The following NEB variants were observed in gnomAD, a reference collection of about 807,000 sequenced individuals.
The protein encoded by NEB is nebulin.
A neutral mutation model predicts 952.2 loss-of-function variants in NEB; 512 were observed. The ratio of observed to expected loss-of-function variants is 0.54; its 90% CI spans 0.50 to 0.58. The LOEUF is 0.58. Among genes scored for constraint, NEB ranks in the 20% least tolerant of loss-of-function variants. The pLI is 0.00. For missense variants in NEB, 8,428 were observed against 9,231.1 expected (o/e 0.91, Z 3.56); for synonymous variants, 2,900 against 3,149.8 (o/e 0.92, Z 2.66).
chr2:151,639,981 T>C lies in NEB; in HGVS notation c.8765A>G (p.Lys2922Arg), dbSNP rs1470363070. 2 of 1,613,978 alleles carry C rather than the reference T, an allele frequency of 1.2e-6. No homozygotes were observed. The highest frequency in any genetic ancestry group is 1.7e-6 in the Non-Finnish European group (2 of 1,179,862). Residue 2922 changes from lysine (K) to arginine (R), a missense_variant, in exon 62 of 182, where the codon AAA (lysine) becomes AGA (arginine). By Grantham distance (26) the Lys-to-Arg change is conservative (BLOSUM62 2). Coordinates refer to ENST00000397345, the MANE Select transcript of NEB (RefSeq NM_001164508.2). Reference protein sequence around the residue: ...SIGSLDVEKCKRATEILSDKI... With the variant: ...SIGSLDVEKCRRATEILSDKI... ...ATCACTCAAAATTTCAGTTGCCCTT[T>C]TGCATTTTTCCACATCCAAAGAGCC... is the stretch of plus-strand genomic sequence containing the variant.
In NEB at chr2:151,692,107, C is replaced by T; in HGVS notation, c.2058G>A (p.Glu686=). 1 of 1,613,952 alleles carries T rather than the reference C, an allele frequency of 6.2e-7. No homozygotes were observed. ...DVLGHYVGSM[E]DPYHTHCMKV... is the part of the protein sequence containing the mutation. ...TCATGCAGTGTGTGTGATATGGGTC[C>T]TCCATGCTGCCTACATAATGTCCCA... is the stretch of plus-strand genomic sequence containing the variant. The change falls in exon 22 of 182, where the codon GAG becomes GAA. Residue 686 remains glutamate (E), a synonymous_variant. Transcript: ENST00000397345.
intron 129 of NEB, among the ~76,000 whole-genome samples, chr2:151,550,854 C>T (rs1024871064): frequency 1.3e-5 from 2 of 151,696 alleles, no homozygotes; most frequent in Non-Finnish European, 1.5e-5. Flanking sequence ...CCATGTTGCT[C>T]AGGCTGGTCT....
At chr2:151,614,719 C>T in intron 76 of NEB, 132 bp from the exon 77 acceptor site, 1 of 1,139,956 alleles carries the variant, frequency 8.8e-7, no homozygotes, top group Non-Finnish European at 1.2e-6. Flanking sequence ...TATCATCAAC[C>T]CTATTTTTAA....
chr2:151,650,402 A>G, intron 53 of NEB, 23 bp from the exon 54 acceptor site: 18 of 1,606,014 alleles, frequency 1.1e-5, no homozygotes, highest in Non-Finnish European at 1.4e-5. Context: ...AGAGCAAGCC[A>G]TCAAAATCCC....
chr2:151,544,101 T>G (rs73005996), intron 135 of NEB, among the ~76,000 whole-genome samples: 8,268 of 152,254 alleles, frequency 0.054, 723 homozygotes, highest in African/African-American at 0.19. Context: ...ATCAGCATTT[T>G]ATCAAGCCTG....
At chr2:151,630,921 C>A in intron 66 of NEB, 102 bp from the exon 67 acceptor site, 1 of 1,214,004 alleles carries the variant, frequency 8.2e-7, no homozygotes, top group Non-Finnish European at 1.1e-6. Context: ...AAAAATAAGC[C>A]AGACTTGAAT....
Position 151,688,365 on chromosome 2 carries a change from T to G in NEB, c.2342A>C (p.Lys781Thr), listed in dbSNP as rs1252165600. 2 of 1,613,886 alleles carry G rather than the reference T, an allele frequency of 1.2e-6. No homozygotes were observed. The highest frequency in any genetic ancestry group is 1.7e-6 in the Non-Finnish European group (2 of 1,179,808). Residue 781 changes from lysine to threonine, a missense_variant, in exon 25 of 182, where the codon AAG becomes ACG. Transcript: ENST00000397345. ...LNYKAKHEGE[K>T]FKCHIPADAP... The stretch of plus-strand genomic sequence containing the variant: ...ATCTGCTGGTATATGGCACTTGAAC[T>G]TCTCACCTTCATGTTTTGCTTTGTA...
intron 44 of NEB, 31 bp from the exon 45 acceptor site, chr2:151,663,890 A>G (rs747307404): frequency 1.3e-6 from 2 of 1,587,386 alleles, no homozygotes; most frequent in African/African-American, 1.3e-5. Flanking sequence ...ATGGTGATGA[A>G]AATGGTAAAA....
chr2:151,539,461 C>T (rs1404179832), intron 138 of NEB, among the ~76,000 whole-genome samples: 1 of 152,090 alleles, frequency 6.6e-6, no homozygotes, highest in Non-Finnish European at 1.5e-5. Flanking sequence ...CTGCCTCGGG[C>T]TTACTGCAAT....
rs571497125 is a variant in NEB at position 151,724,278 on chromosome 2, G to A, written c.594C>T (p.Asn198=). The stretch of plus-strand genomic sequence containing the variant: ...CCCTTACCTTGCTGAACATGGCGGT[G>A]TTCTTAACGGCCTGGACAAGTTCAG... The part of the protein sequence containing the change: ...DAPELVQAVK[N]TAMFSKKLYT... The change falls in exon 8 of 182, where the codon AAC becomes AAT. Residue 198 remains asparagine (N), a synonymous_variant. Coordinates refer to ENST00000397345, the MANE Select transcript of NEB (RefSeq NM_001164508.2). 2.0e-5 allele frequency: 33 copies of A among 1,612,920 alleles called. No individual in the cohort carries two copies. In the East Asian group the frequency reaches 7.4e-4, roughly 36 times the overall value.
intron 76 of NEB, 86 bp from the exon 77 acceptor site, chr2:151,614,673 C>A: frequency 7.1e-7 from 1 of 1,417,542 alleles, no homozygotes; most frequent in East Asian, 2.3e-5. Flanking sequence ...GTTTCTTTTT[C>A]TTTTCCCCAA....
chr2:151,673,817 T>G (rs2099329824), intron 36 of NEB, among the ~76,000 whole-genome samples: 1 of 146,066 alleles, frequency 6.8e-6, no homozygotes. Flanking sequence ...CACTGCAAGC[T>G]CCGCCTCCCG....
In NEB at chr2:151,714,758, T is replaced by C. The variant is rs186498267; in HGVS notation, c.822+2658A>G. ...ATTTATTTTTTTATACTTTAAGTTC[T>C]AGGGTAGATAAAGGAGATTTTTATC... On this transcript the variant is annotated intron_variant, in intron 10 of 181. Transcript: ENST00000397345. 3.9e-5 allele frequency among the ~76,000 whole-genome samples: 6 copies of C among 152,304 alleles called. No individual in the cohort carries two copies. The East Asian group carries it at 1.2e-3, about 29-fold the overall frequency.
chr2:151,712,035 T>C (rs895210645), intron 10 of NEB, among the ~76,000 whole-genome samples: 3 of 152,204 alleles, frequency 2.0e-5, no homozygotes, highest in African/African-American at 4.8e-5. Context: ...CTCATCTTTT[T>C]TTTGGAGACA....
chr2:151,559,548 C>T (rs2095882670), intron 124 of NEB, among the ~76,000 whole-genome samples: 1 of 152,120 alleles, frequency 6.6e-6, no homozygotes, highest in Non-Finnish European at 1.5e-5. Flanking sequence ...ACCCAAATGC[C>T]CATCAATGAT....
intron 72 of NEB, 24 bp downstream of exon 72, chr2:151,620,895 T>C: frequency 1.3e-6 from 2 of 1,552,458 alleles, no homozygotes; most frequent in Non-Finnish European, 1.8e-6. Flanking sequence ...TGGTAAGAAA[T>C]GTTAGGACTT....
rs992791157 is a variant in NEB, at chr2:151,681,590, C to T, written c.2944-762G>A. Among the ~76,000 whole-genome samples the T allele has an allele frequency of 5.3e-5, 8 of 152,264 alleles. No homozygotes were observed. The South Asian group carries it at 8.3e-4, about 16-fold the overall frequency. On this transcript the variant is annotated intron_variant, in intron 29 of 181. Coordinates refer to ENST00000397345, the MANE Select transcript of NEB (RefSeq NM_001164508.2). ...TTCTTCTGGAAGATCTTTGAGCAGA[C>T]AAAATGGTTTTCATCGAAAACAAAA...
At position 151,701,660 on chromosome 2, in the gene NEB, T is replaced by C. The variant is rs983058940; in HGVS notation, c.1153-4012A>G. Among the ~76,000 whole-genome samples, 1,249 of 151,514 alleles carry C rather than the reference T, an allele frequency of 8.2e-3. 22 individuals are homozygous for C. Among genetic ancestry groups the C allele is most frequent in the African/African-American group, 0.029 (1,190 of 41,066 alleles). ...TTTCTAGTTTATTTGCGTAGAGGTG[T>C]TTGTAGTATTCTTTGATGGTAGTTT... is the stretch of plus-strand genomic sequence containing the variant. On this transcript the variant is annotated intron_variant, in intron 13 of 181. Coordinates refer to ENST00000397345, the MANE Select transcript of NEB (RefSeq NM_001164508.2).
chr2:151,659,065 A>G lies in NEB; in HGVS notation c.6075T>C (p.Asp2025=), dbSNP rs745573366. ...TGACAACAGGGGGAACTATACTTAC[A>G]TCACTCATATTAATTGCATTTGCCT... ...LAKANAINMS[D]KLYKLSLEES... Residue 2025 remains aspartate, a splice_region_variant and synonymous_variant, in exon 47 of 182, where the codon GAT becomes GAC. Coordinates refer to ENST00000397345, the MANE Select transcript of NEB (RefSeq NM_001164508.2). 3.2e-6 allele frequency: 5 copies of G among 1,576,254 alleles called. No homozygotes were observed. The highest frequency in any genetic ancestry group is 2.2e-5 in the East Asian group (1 of 44,704).
Sources: allele counts gnomAD v4.1 joint callset (sites outside exome capture counted in the v4.1 genomes callset), GRCh38; gene constraint gnomAD v4.1.1; transcripts MANE v1.5; gene names NCBI Gene and HGNC (gene_info 2026-07-23, HGNC 2026-07-21).